The following ARHGAP26 variants were observed in gnomAD, a reference collection of about 807,000 sequenced individuals.
The protein encoded by ARHGAP26 is Rho GTPase activating protein 26, also known as rho GTPase-activating protein 26.
In ARHGAP26, 38 loss-of-function variants were observed where a neutral mutation model predicts 104.8. That is an observed-to-expected ratio of 0.36 (90% CI 0.28 to 0.48). The LOEUF (loss-of-function observed/expected upper bound fraction) is 0.48, where lower values mean the gene tolerates loss of function less well. ARHGAP26 is among the 20% of genes least tolerant of loss of function. ARHGAP26 has a pLI of 0.99. For synonymous variants in ARHGAP26, 341 were observed against 340.0 expected (o/e 1.00, Z -0.03); for missense variants, 704 against 947.9 (o/e 0.74, Z 3.38).
chr5:143,157,167 T>A (rs1232554209), intron 20 of ARHGAP26, among the ~76,000 whole-genome samples: 2 of 118,634 alleles, frequency 1.7e-5, no homozygotes, highest in East Asian at 8.2e-4. Flanking sequence ...TTCAACACAT[T>A]CTTTCTTTTT....
chr5:142,919,897 A>T (rs1288589406), intron 10 of ARHGAP26, among the ~76,000 whole-genome samples: 1 of 152,128 alleles, frequency 6.6e-6, no homozygotes, highest in African/African-American at 2.4e-5. Context: ...GCTATTCAGG[A>T]GGCTGAGGCA....
intron 17 of ARHGAP26, among the ~76,000 whole-genome samples, chr5:143,088,089 C>G (rs144877352): frequency 2.0e-4 from 31 of 152,316 alleles, no homozygotes; most frequent in African/African-American, 7.0e-4. Context: ...AAAGCTGGTG[C>G]TACTGTTCCT....
At chr5:142,963,031 T>C (rs1212502625) in intron 11 of ARHGAP26, among the ~76,000 whole-genome samples, 2 of 151,880 alleles carry the variant, frequency 1.3e-5, no homozygotes, top group Admixed American at 1.3e-4. Flanking sequence ...AGCTCCCACT[T>C]GTAAGTGAAA....
At chr5:143,115,994 A>C (rs1477430921) in intron 17 of ARHGAP26, among the ~76,000 whole-genome samples, 1 of 58 alleles carries the variant, frequency 0.017, no homozygotes, top group Non-Finnish European at 0.036. Flanking sequence ...TTGGATAAAA[A>C]TAGAATCGAC....
intron 1 of ARHGAP26, among the ~76,000 whole-genome samples, chr5:142,812,557 C>T (rs1356079087): frequency 3.9e-5 from 6 of 152,116 alleles, no homozygotes; most frequent in Admixed American, 2.6e-4. Flanking sequence ...AGGCTGGTCT[C>T]GAACTCCTAG....
chr5:142,845,644 T>C (rs1400452349), intron 1 of ARHGAP26, among the ~76,000 whole-genome samples: 1 of 152,224 alleles, frequency 6.6e-6, no homozygotes, highest in African/African-American at 2.4e-5. Context: ...GTACTGTTTA[T>C]GTACAGACAC....
intron 6 of ARHGAP26, among the ~76,000 whole-genome samples, chr5:142,895,421 G>A (rs1170196194): frequency 6.6e-5 from 10 of 151,916 alleles, no homozygotes; most frequent in African/African-American, 2.4e-4. Context: ...TAGTAGAGAC[G>A]GGGTTTCACC....
At chr5:142,923,285 A>T (rs1763448913) in intron 10 of ARHGAP26, among the ~76,000 whole-genome samples, 2 of 152,210 alleles carry the variant, frequency 1.3e-5, no homozygotes, top group Admixed American at 1.3e-4. Flanking sequence ...ATTTCTAAAT[A>T]TAAAATGAGT....
chr5:143,115,852 C>A (rs1455515905), intron 17 of ARHGAP26, among the ~76,000 whole-genome samples: 1 of 152,338 alleles, frequency 6.6e-6, no homozygotes, highest in African/African-American at 2.4e-5. Flanking sequence ...ATTCCAACTA[C>A]TGTGCTATGA....
chr5:143,214,656 T>C (rs1441136098), intron 22 of ARHGAP26, among the ~76,000 whole-genome samples: 2 of 152,134 alleles, frequency 1.3e-5, no homozygotes, highest in Non-Finnish European at 2.9e-5. Flanking sequence ...AGCCCTTGAC[T>C]GTAGTCACGT....
intron 20 of ARHGAP26, among the ~76,000 whole-genome samples, chr5:143,193,435 G>A (rs1806274048): frequency 2.6e-5 from 4 of 151,902 alleles, no homozygotes; most frequent in Admixed American, 2.6e-4. Context: ...TTTTAGTAAA[G>A]GTGGGGTTTC....
intron 17 of ARHGAP26, among the ~76,000 whole-genome samples, chr5:143,112,613 A>T (rs1794908097): frequency 6.6e-6 from 1 of 151,986 alleles, no homozygotes; most frequent in Non-Finnish European, 1.5e-5. Flanking sequence ...AAAGCTCCCG[A>T]TTCCCCTTTC....
chr5:143,037,489 C>T (rs750172102), intron 13 of ARHGAP26, among the ~76,000 whole-genome samples: 14 of 152,086 alleles, frequency 9.2e-5, no homozygotes, highest in Non-Finnish European at 1.8e-4. Context: ...ATCTAAAATA[C>T]GTATGATTAT....
intron 13 of ARHGAP26, among the ~76,000 whole-genome samples, chr5:143,039,993 A>G (rs559637754): frequency 2.0e-5 from 3 of 152,334 alleles, no homozygotes; most frequent in East Asian, 1.9e-4. Context: ...TCCCGATTGC[A>G]GTGTGTGTAT....
At position 142,770,705 on chromosome 5, in the gene ARHGAP26, G is replaced by C; in HGVS notation, c.-57G>C. The C allele has an allele frequency of 2.7e-6, 3 of 1,100,740 alleles. No homozygotes were observed. The highest frequency in any genetic ancestry group is 2.2e-6 in the Non-Finnish European group (2 of 899,160). 68.2% of individuals were successfully genotyped at this position (1,100,740 alleles called of 1,614,324 possible). A position where few individuals can be genotyped will look rare whatever the true frequency, so the allele number is the denominator to read the frequency against. ...GTCCCGCCGCGTGAGTGCTCTGGGC[G>C]GCGGGCGGCCCGGGCCCCGGCGGAG... On this transcript the variant is annotated 5_prime_UTR_variant, in exon 1 of 23. Transcript: ENST00000645722.
intron 11 of ARHGAP26, among the ~76,000 whole-genome samples, chr5:142,955,859 A>C (rs181274273): frequency 1.3e-5 from 2 of 152,138 alleles, no homozygotes; most frequent in Admixed American, 1.3e-4. Context: ...TCCATGTTGC[A>C]CTCTCAGAGT....
chr5:142,873,158 T>A (rs1158671457), intron 1 of ARHGAP26, among the ~76,000 whole-genome samples: 2 of 152,210 alleles, frequency 1.3e-5, no homozygotes, highest in Non-Finnish European at 2.9e-5. Context: ...CTTTAGAAAG[T>A]AGAGATAGAA....
At chr5:142,894,381 C>T in intron 6 of ARHGAP26, 33 bp downstream of exon 6, 2 of 1,569,010 alleles carry the variant, frequency 1.3e-6, no homozygotes, top group South Asian at 1.1e-5. Flanking sequence ...ATGATGTACC[C>T]ATATATTCAT....
At chr5:143,008,012 A>G (rs911794474) in intron 11 of ARHGAP26, among the ~76,000 whole-genome samples, 2 of 152,198 alleles carry the variant, frequency 1.3e-5, no homozygotes, top group Non-Finnish European at 2.9e-5. Context: ...ATACATTTCC[A>G]TCACCAGAAG....
Sources: allele counts gnomAD v4.1 joint callset (sites outside exome capture counted in the v4.1 genomes callset), GRCh38; gene constraint gnomAD v4.1.1; transcripts MANE v1.5; gene names NCBI Gene and HGNC (gene_info 2026-07-23, HGNC 2026-07-21).